Variants in CSMD1 observed in about 807,000 individuals in gnomAD.
CSMD1 encodes the protein CUB and Sushi multiple domains 1, also known as CUB and sushi domain-containing protein 1.
A neutral mutation model predicts 417.5 loss-of-function variants in CSMD1; 213 were observed. The observed-to-expected ratio is 0.51, with a 90% CI of 0.46 to 0.57. The LOEUF (loss-of-function observed/expected upper bound fraction) is 0.57, where lower values mean the gene tolerates loss of function less well. CSMD1 is among the 20% of genes least tolerant of loss of function. The pLI, the probability that CSMD1 is intolerant of heterozygous loss-of-function variation, is 0.00. For synonymous variants in CSMD1, 2,862 were observed against 1,736.8 expected (o/e 1.65, Z -16.11); for missense variants, 6,923 against 4,529.7 (o/e 1.53, Z -15.17).
chr8:4,148,809 T>G (rs188975259), intron 3 of CSMD1, among the ~76,000 whole-genome samples: 12 of 152,286 alleles, frequency 7.9e-5, no homozygotes, highest in Admixed American at 2.6e-4. Flanking sequence ...GGAAGGGATG[T>G]CATGATTCAG....
chr8:3,655,531 A>T (rs1372339690), intron 7 of CSMD1, among the ~76,000 whole-genome samples: 1 of 152,142 alleles, frequency 6.6e-6, no homozygotes, highest in African/African-American at 2.4e-5. Context: ...TGCACAGTGC[A>T]CCTGCTGGGA....
At chr8:4,849,950 G>C (rs879460777) in intron 1 of CSMD1, among the ~76,000 whole-genome samples, 3 of 152,168 alleles carry the variant, frequency 2.0e-5, no homozygotes, top group African/African-American at 4.8e-5. Flanking sequence ...GGAATTACCA[G>C]ACTCTTTGCT....
chr8:3,461,796 G>T (rs1025449743), intron 12 of CSMD1, among the ~76,000 whole-genome samples: 1 of 152,190 alleles, frequency 6.6e-6, no homozygotes, highest in African/African-American at 2.4e-5. Flanking sequence ...ACTCTCTTAC[G>T]TGTGATAGAA....
At chr8:3,657,095 G>T (rs575040009) in intron 7 of CSMD1, among the ~76,000 whole-genome samples, 1 of 152,248 alleles carries the variant, frequency 6.6e-6, no homozygotes, top group Admixed American at 6.5e-5. Flanking sequence ...CCGAGTTGCT[G>T]CACTGGACAT....
intron 5 of CSMD1, among the ~76,000 whole-genome samples, chr8:3,941,042 C>G (rs1318327353): frequency 2.0e-5 from 3 of 151,658 alleles, no homozygotes; most frequent in Admixed American, 2.0e-4. Context: ...TAATTCAATA[C>G]ATTCATATAA....
intron 3 of CSMD1, among the ~76,000 whole-genome samples, chr8:4,369,647 A>C (rs1802287781): frequency 6.6e-6 from 1 of 152,182 alleles, no homozygotes; most frequent in South Asian, 2.1e-4. Flanking sequence ...TTAACTACTT[A>C]AAATAGTTGT....
intron 3 of CSMD1, among the ~76,000 whole-genome samples, chr8:4,332,339 C>T (rs140626417): frequency 6.6e-6 from 1 of 152,142 alleles, no homozygotes; most frequent in Non-Finnish European, 1.5e-5. Context: ...ATCACCAAAA[C>T]GCTGAAAAAG....
chr8:3,080,899 T>C lies in CSMD1; in HGVS notation c.7474+6198A>G, dbSNP rs573237096. Among the ~76,000 whole-genome samples the C allele has an allele frequency of 6.6e-5, 10 of 152,240 alleles. No homozygotes were observed. In the South Asian group the frequency reaches 1.5e-3, roughly 22 times the overall value. ...CCTCCAATTTCAAATCCGAGTAATT[T>C]TTCTCTAAAAATATGATGCGTCTAC... On this transcript the variant is annotated intron_variant, in intron 49 of 69. Coordinates refer to ENST00000635120, the MANE Select transcript of CSMD1 (RefSeq NM_033225.6).
chr8:4,743,504 C>T lies in CSMD1; in HGVS notation c.86-105946G>A, dbSNP rs574720398. On this transcript the variant is annotated intron_variant, in intron 1 of 69. Coordinates refer to ENST00000635120, the MANE Select transcript of CSMD1 (RefSeq NM_033225.6). ...ACACCGGAGCGTCAAGTACCATGAA[C>T]CTCCTGCTTTGAGTTCATGATGTTC... Among the ~76,000 whole-genome samples, 15 of 152,034 alleles carry T rather than the reference C, an allele frequency of 9.9e-5. No homozygotes were observed. The South Asian group carries it at 3.1e-3, about 32-fold the overall frequency.
intron 17 of CSMD1, among the ~76,000 whole-genome samples, chr8:3,389,319 C>T (rs1204250071): frequency 1.3e-5 from 2 of 152,044 alleles, no homozygotes; most frequent in African/African-American, 4.8e-5. Flanking sequence ...TCTATGTGTC[C>T]ATGTGTTTTC....
At chr8:4,607,354 G>C (rs1419627167) in intron 2 of CSMD1, among the ~76,000 whole-genome samples, 2 of 152,114 alleles carry the variant, frequency 1.3e-5, no homozygotes, top group Non-Finnish European at 2.9e-5. Flanking sequence ...ACGGGCTATT[G>C]ATTCTGAGAC....
intron 2 of CSMD1, among the ~76,000 whole-genome samples, chr8:4,456,786 G>C (rs79966745): frequency 1.3e-5 from 2 of 151,824 alleles, no homozygotes; most frequent in African/African-American, 2.4e-5. Context: ...CAACCTACGA[G>C]GTAAGCTGAA....
intron 49 of CSMD1, among the ~76,000 whole-genome samples, chr8:3,074,774 G>C (rs533948823): frequency 6.6e-6 from 1 of 152,162 alleles, no homozygotes; most frequent in East Asian, 1.9e-4. Context: ...ATAATTTTTG[G>C]ATATAAAATA....
chr8:4,637,916 C>T (rs998286661), intron 1 of CSMD1, among the ~76,000 whole-genome samples: 11 of 151,456 alleles, frequency 7.3e-5, no homozygotes, highest in African/African-American at 1.7e-4. Context: ...ATGATCCACC[C>T]GCCCCGGCCT....
intron 10 of CSMD1, among the ~76,000 whole-genome samples, chr8:3,506,713 G>A (rs909830670): frequency 7.9e-5 from 12 of 152,300 alleles, no homozygotes; most frequent in South Asian, 2.1e-4. Context: ...ATAAAAGAAA[G>A]GAGGCAATGA....
intron 1 of CSMD1, among the ~76,000 whole-genome samples, chr8:4,766,984 T>C (rs1391122898): frequency 1.3e-5 from 2 of 152,120 alleles, no homozygotes; most frequent in Non-Finnish European, 2.9e-5. Flanking sequence ...AAAAAGAAAA[T>C]ATTTCTTAGC....
At chr8:3,283,271 GAC>G (rs1802878140) in intron 26 of CSMD1, among the ~76,000 whole-genome samples, 1 of 152,084 alleles carries the variant, frequency 6.6e-6, no homozygotes, top group African/African-American at 2.4e-5. Flanking sequence ...TTTGCAGAGA[GAC>G]TTCATTACAT....
At chr8:4,012,844 C>A (rs1008114411) in intron 4 of CSMD1, among the ~76,000 whole-genome samples, 1 of 152,084 alleles carries the variant, frequency 6.6e-6, no homozygotes, top group African/African-American at 2.4e-5. Context: ...CGAGAAGACA[C>A]ACGGTGCCAT....
intron 3 of CSMD1, among the ~76,000 whole-genome samples, chr8:4,219,670 A>G (rs1393502441): frequency 1.3e-5 from 2 of 152,212 alleles, no homozygotes; most frequent in Non-Finnish European, 2.9e-5. Flanking sequence ...GATCATTTGG[A>G]TAATACTGCT....
Sources: gnomAD v4.1 joint callset for allele counts (sites outside exome capture counted in the v4.1 genomes callset) on GRCh38, gnomAD v4.1.1 for gene constraint, MANE v1.5 for transcripts, NCBI Gene and HGNC (gene_info 2026-07-23, HGNC 2026-07-21) for gene names.